The following CDK13 variants were observed in gnomAD, a reference collection of about 807,000 sequenced individuals.
CDK13 encodes cyclin-dependent kinase 13.
In CDK13, 40 loss-of-function variants were observed where a neutral mutation model predicts 137.6. The ratio of observed to expected loss-of-function variants is 0.29; its 90% CI spans 0.23 to 0.38. The LOEUF is 0.38. Among genes scored for constraint, CDK13 ranks in the 10% least tolerant of loss-of-function variants. The probability of loss-of-function intolerance (pLI) is 1.00; values close to 1 mark genes in which losing one functional copy is unlikely to be tolerated. For synonymous variants in CDK13, 869 were observed against 760.1 expected (o/e 1.14, Z -2.36); for missense variants, 1,704 against 1,951.8 (o/e 0.87, Z 2.39).
intron 9 of CDK13, chr7:40,069,463 CTT>C (rs1786362480): frequency 4.6e-5 from 14 of 302,434 alleles, no homozygotes; most frequent in South Asian, 3.8e-4. Context: ...CCCATATGCT[CTT>C]AAGTTTTTTT....
At chr7:39,978,341 C>T (rs912615440) in intron 1 of CDK13, among the ~76,000 whole-genome samples, 2 of 152,138 alleles carry the variant, frequency 1.3e-5, no homozygotes, top group Middle Eastern at 3.2e-3. Context: ...CAGACAGTGA[C>T]GTTTTTTTCT....
chr7:40,029,438 T>C (rs1247366203), intron 5 of CDK13, among the ~76,000 whole-genome samples: 1 of 148,504 alleles, frequency 6.7e-6, no homozygotes, highest in Non-Finnish European at 1.5e-5. Flanking sequence ...AAAAAAAATT[T>C]AGTCCGGGTG....
At position 40,095,793 on chromosome 7, in the gene CDK13, TC is replaced by T. The variant is rs1240499870; in HGVS notation, c.*814del. On this transcript the variant is annotated 3_prime_UTR_variant, in exon 14 of 14. Transcript: ENST00000181839. ...CTCTGAAGTTTCAGGGGCTGCCTGT[TC>T]AGTTCCTGTTAGGTCCATTCCCTCT... 3.3e-5 allele frequency: 5 copies of T among 152,190 alleles called. No individual in the cohort carries two copies. The highest frequency in any genetic ancestry group is 9.7e-5 in the African/African-American group (4 of 41,446). 9.4% of individuals were successfully genotyped at this position (152,190 alleles called of 1,614,324 possible).
chr7:39,971,510 C>T (rs911154577), intron 1 of CDK13, among the ~76,000 whole-genome samples: 3 of 151,744 alleles, frequency 2.0e-5, no homozygotes, highest in Non-Finnish European at 4.4e-5. Context: ...GAGTAAGACT[C>T]GGTCTCAAAA....
intron 5 of CDK13, among the ~76,000 whole-genome samples, chr7:40,038,573 G>A (rs1235875767): frequency 6.6e-6 from 1 of 152,002 alleles, no homozygotes; most frequent in South Asian, 2.1e-4. Context: ...GCTTTTTTTT[G>A]TGTTATTTCT....
At chr7:40,041,183 A>G (rs371179045) in intron 5 of CDK13, among the ~76,000 whole-genome samples, 234 of 152,242 alleles carry the variant, frequency 1.5e-3, no homozygotes, top group African/African-American at 5.6e-3. Flanking sequence ...AAAATTAGCC[A>G]GGAGTGGTGG....
Position 39,951,222 on chromosome 7 carries a change from C to T in CDK13, c.581C>T (p.Ser194Leu), listed in dbSNP as rs1166331366. ...SSGTQRRGEG[S>L]ERRPRRDRRS... ...GGCACCCAGCGGCGCGGGGAGGGGTCGGAGCGCAGGCCCCGCCGGGACCGC... is the reference window on the plus strand; with the variant it reads ...GGCACCCAGCGGCGCGGGGAGGGGTTGGAGCGCAGGCCCCGCCGGGACCGC... The change falls in exon 1 of 14, where the codon TCG becomes TTG. Residue 194 changes from serine (S) to leucine (L), a missense_variant. Ser to Leu is a moderately radical substitution (Grantham distance 145). Transcript: ENST00000181839. 1.3e-5 allele frequency: 17 copies of T among 1,268,212 alleles called. 1 individual carries two copies. In the African/African-American group the frequency reaches 1.7e-4, roughly 13 times the overall value. 78.6% of individuals were successfully genotyped at this position (1,268,212 alleles called of 1,614,324 possible). A position where few individuals can be genotyped will look rare whatever the true frequency, so the allele number is the denominator to read the frequency against.
At chr7:40,007,992 A>G (rs1188922370) in intron 5 of CDK13, among the ~76,000 whole-genome samples, 17 of 152,334 alleles carry the variant, frequency 1.1e-4, no homozygotes, top group Non-Finnish European at 2.2e-4. Context: ...TTACAAGACA[A>G]TGAAAGATCG....
intron 1 of CDK13, among the ~76,000 whole-genome samples, chr7:39,964,122 T>C (rs1371585817): frequency 6.6e-6 from 1 of 152,232 alleles, no homozygotes; most frequent in East Asian, 1.9e-4. Flanking sequence ...ATCAGGATGA[T>C]GCTGGCCTCA....
At chr7:39,966,548 G>T (rs547490393) in intron 1 of CDK13, among the ~76,000 whole-genome samples, 1 of 152,006 alleles carries the variant, frequency 6.6e-6, no homozygotes, top group Admixed American at 6.6e-5. Flanking sequence ...TTTGCCATGG[G>T]TTCGAATTTC....
intron 5 of CDK13, among the ~76,000 whole-genome samples, chr7:40,021,999 T>C (rs1785136619): frequency 1.3e-5 from 2 of 152,318 alleles, no homozygotes; most frequent in South Asian, 4.1e-4. Context: ...ATTAAATGGA[T>C]TTTTACTCTT....
chr7:39,957,204 C>A (rs940732652), intron 1 of CDK13, among the ~76,000 whole-genome samples: 2 of 148,064 alleles, frequency 1.4e-5, no homozygotes, highest in African/African-American at 4.9e-5. Flanking sequence ...CCTGTCCTTG[C>A]CTCCCAAAGT....
intron 3 of CDK13, chr7:39,998,944 T>A (rs1302486066): frequency 6.6e-6 from 1 of 152,498 alleles, no homozygotes; most frequent in Non-Finnish European, 1.5e-5. Flanking sequence ...GTTCACATTC[T>A]TTATCAAACT....
At chr7:40,057,875 A>T (rs1357292619) in intron 7 of CDK13, among the ~76,000 whole-genome samples, 1 of 152,166 alleles carries the variant, frequency 6.6e-6, no homozygotes, top group Non-Finnish European at 1.5e-5. Flanking sequence ...AGGAGTTCAA[A>T]TAGGGGGAAA....
At chr7:40,038,730 T>C (rs1785539142) in intron 5 of CDK13, among the ~76,000 whole-genome samples, 2 of 152,166 alleles carry the variant, frequency 1.3e-5, no homozygotes, top group African/African-American at 4.8e-5. Flanking sequence ...AGTTTCGCTC[T>C]TGTTGCCCAG....
chr7:39,957,316 C>T (rs1042720898), intron 1 of CDK13, among the ~76,000 whole-genome samples: 10 of 86,318 alleles, frequency 1.2e-4, no homozygotes, highest in Non-Finnish European at 3.1e-4. Flanking sequence ...TTTCCTGTGC[C>T]CCCACAGCAC....
At chr7:39,976,315 T>TCACACACACACA (rs1263912236) in intron 1 of CDK13, among the ~76,000 whole-genome samples, 26 of 68,604 alleles carry the variant, frequency 3.8e-4, no homozygotes, top group Non-Finnish European at 2.2e-4. Context: ...TCTCTCTCTC[T>TCACACACACACA]CTCTCTCTCA....
At chr7:40,056,763 T>C (rs1337335764) in intron 7 of CDK13, among the ~76,000 whole-genome samples, 2 of 152,202 alleles carry the variant, frequency 1.3e-5, no homozygotes, top group African/African-American at 4.8e-5. Context: ...ATCATAAGGA[T>C]GTAGACTTGT....
rs761581418 is a variant in CDK13, at chr7:40,027,655, CTTT to C, written c.2354-18160_2354-18158del. Among the ~76,000 whole-genome samples the C allele has an allele frequency of 7.5e-3, 669 of 89,686 alleles. 2 individuals are homozygous for C. The highest frequency in any genetic ancestry group is 0.011 in the Non-Finnish European group (503 of 47,596). 58.8% of individuals were successfully genotyped at this position (89,686 alleles called of 152,430 possible). On this transcript the variant is annotated intron_variant, in intron 5 of 13. Coordinates refer to ENST00000181839, the MANE Select transcript of CDK13 (RefSeq NM_003718.5). ...CCTTACTTTCTATAACACCCTTGGGCTTTTTTTTTTTTTTTTTTTTTTTGAGGA... is the reference window on the plus strand; with the variant it reads ...CCTTACTTTCTATAACACCCTTGGGCTTTTTTTTTTTTTTTTTTTTGAGGA...
Sources: allele counts gnomAD v4.1 joint callset (sites outside exome capture counted in the v4.1 genomes callset), GRCh38; gene constraint gnomAD v4.1.1; transcripts MANE v1.5; gene names NCBI Gene and HGNC (gene_info 2026-07-23, HGNC 2026-07-21).